ADGRL2: variants seen among roughly 807,000 people sequenced by gnomAD.
The protein encoded by ADGRL2 is calcium-independent alpha-latrotoxin receptor 2.
Under a neutral mutation model 157.4 loss-of-function variants are expected in ADGRL2, and 44 were observed. The observed-to-expected ratio is 0.28, with a 90% CI of 0.22 to 0.36. The LOEUF (loss-of-function observed/expected upper bound fraction) is 0.36. Ranked by LOEUF, ADGRL2 falls within the 10% of genes least tolerant of loss-of-function variation. The probability of loss-of-function intolerance (pLI) is 1.00; values close to 1 mark genes in which losing one functional copy is unlikely to be tolerated. For synonymous variants in ADGRL2, 585 were observed against 624.7 expected (o/e 0.94, Z 0.95); for missense variants, 1,510 against 1,768.9 (o/e 0.85, Z 2.63).
intron 1 of ADGRL2, among the ~76,000 whole-genome samples, chr1:81,731,327 T>G (rs1366695201): frequency 2.0e-5 from 3 of 152,186 alleles, no homozygotes; most frequent in Non-Finnish European, 4.4e-5. Context: ...TTAGGCTTTT[T>G]AAATTCCTAC....
At chr1:81,381,914 A>G (rs1237902605) in intron 1 of ADGRL2, among the ~76,000 whole-genome samples, 5 of 152,218 alleles carry the variant, frequency 3.3e-5, no homozygotes, top group African/African-American at 1.2e-4. Context: ...CTATATAAAA[A>G]CAATTAAGCT....
rs990821142 is a variant in ADGRL2, at chr1:81,736,571, G to A, written c.-142-25240G>A. 3.9e-4 allele frequency among the ~76,000 whole-genome samples: 59 copies of A among 152,150 alleles called. 1 individual carries two copies. The highest frequency in any genetic ancestry group is 2.1e-4 in the South Asian group (1 of 4,836). On this transcript the variant is annotated intron_variant, in intron 1 of 20. Transcript: ENST00000359929. ...GTTGGACAGGAGTGTACTCTTCCTT[G>A]ACATGGACATAAGAGGCCAATTTCA...
intron 2 of ADGRL2, among the ~76,000 whole-genome samples, chr1:81,572,055 T>G (rs2080705894): frequency 6.6e-6 from 1 of 152,070 alleles, no homozygotes; most frequent in Non-Finnish European, 1.5e-5. Context: ...AAAAACAAAT[T>G]GAAAAATTAT....
At chr1:81,818,370 C>A (rs985153499) in intron 1 of ADGRL2, among the ~76,000 whole-genome samples, 3 of 152,068 alleles carry the variant, frequency 2.0e-5, no homozygotes, top group Non-Finnish European at 4.4e-5. Context: ...ATTTTACATT[C>A]AAGATGTAAT....
intron 1 of ADGRL2, among the ~76,000 whole-genome samples, chr1:81,323,394 T>A (rs1199856074): frequency 6.7e-6 from 1 of 148,998 alleles, no homozygotes; most frequent in Non-Finnish European, 1.5e-5. Context: ...TACGAGCCAT[T>A]GTACTAGACT....
chr1:81,712,232 G>C (rs2083955190), intron 1 of ADGRL2, among the ~76,000 whole-genome samples: 1 of 152,186 alleles, frequency 6.6e-6, no homozygotes, highest in African/African-American at 2.4e-5. Context: ...TTGGAAGGAA[G>C]GACCTGGATG....
intron 2 of ADGRL2, among the ~76,000 whole-genome samples, chr1:81,533,595 A>G (rs899793759): frequency 1.3e-5 from 2 of 152,074 alleles, no homozygotes; most frequent in African/African-American, 4.8e-5. Flanking sequence ...AGGGTCCTTT[A>G]ATTTTAAAGA....
rs144575164 is a variant in ADGRL2 at position 81,893,977 on chromosome 1, G to T, written c.74-13040G>T. 1.5e-4 allele frequency among the ~76,000 whole-genome samples: 23 copies of T among 152,224 alleles called. No homozygotes were observed. The East Asian group carries it at 4.4e-3, about 29-fold the overall frequency. On this transcript the variant is annotated intron_variant, in intron 2 of 23. Coordinates refer to ENST00000686636, the MANE Select transcript of ADGRL2 (RefSeq NM_001366006.2). ...CAAAGTCATTACATTGTCATTTAAG[G>T]AATGACTTTATAACCTTCATACGAA...
intron 3 of ADGRL2, among the ~76,000 whole-genome samples, chr1:81,587,511 T>C (rs1457428731): frequency 6.6e-6 from 1 of 152,064 alleles, no homozygotes; most frequent in Non-Finnish European, 1.5e-5. Flanking sequence ...AAGAAGAAGT[T>C]GTTGACTATG....
chr1:81,531,375 A>G (rs2079595135), intron 2 of ADGRL2, among the ~76,000 whole-genome samples: 1 of 152,198 alleles, frequency 6.6e-6, no homozygotes, highest in South Asian at 2.1e-4. Flanking sequence ...AAATTATATA[A>G]CTGATAGAGA....
intron 1 of ADGRL2, among the ~76,000 whole-genome samples, chr1:81,826,006 T>C (rs1004128017): frequency 1.3e-5 from 2 of 152,118 alleles, no homozygotes; most frequent in African/African-American, 4.8e-5. Context: ...TAAGAATCAA[T>C]AGAACAGTGA....
Position 81,993,073 on chromosome 1 carries a change from ATATATATATATATATTTTTTTTTTTTTT to A in ADGRL2, c.*1930_*1957del, listed in dbSNP as rs1161262699. 1.6e-4 allele frequency among the ~76,000 whole-genome samples: 5 copies of A among 31,050 alleles called. No homozygotes were observed. The highest frequency in any genetic ancestry group is 1.0e-3 in the African/African-American group (5 of 4,926). 20.4% of individuals were successfully genotyped at this position (31,050 alleles called of 152,430 possible). A position where few individuals can be genotyped will look rare whatever the true frequency, so the allele number is the denominator to read the frequency against. ...ATATAATATACATATATATATATATATATATATATATATATTTTTTTTTTTTTTTTTTTTTTTTTTTTTTTTGGGACAG... is the reference window on the plus strand; with the variant it reads ...ATATAATATACATATATATATATATATTTTTTTTTTTTTTTTTTGGGACAG... On this transcript the variant is annotated 3_prime_UTR_variant, in exon 24 of 24. Transcript: ENST00000686636.
chr1:81,386,937 A>G (rs1022726565), intron 1 of ADGRL2, among the ~76,000 whole-genome samples: 11 of 152,082 alleles, frequency 7.2e-5, no homozygotes, highest in African/African-American at 1.4e-4. Context: ...TTTGTCTATC[A>G]GTATCCACTT....
intron 2 of ADGRL2, among the ~76,000 whole-genome samples, chr1:81,480,879 GT>G (rs1250755848): frequency 6.6e-6 from 1 of 152,130 alleles, no homozygotes; most frequent in Non-Finnish European, 1.5e-5. Context: ...AATATTACTT[GT>G]TGTGACAATT....
chr1:81,843,536 C>G (rs925844967), intron 2 of ADGRL2, among the ~76,000 whole-genome samples: 2 of 152,242 alleles, frequency 1.3e-5, no homozygotes, highest in Non-Finnish European at 2.9e-5. Flanking sequence ...ATTGCAGCAG[C>G]TTTCTTCTCC....
upstream of ADGRL2, among the ~76,000 whole-genome samples, chr1:81,696,775 C>CA (rs968500998): frequency 2.6e-5 from 4 of 151,726 alleles, no homozygotes; most frequent in Non-Finnish European, 5.9e-5. Context: ...AAAAACAAAA[C>CA]AAAAAATAGA....
intron 3 of ADGRL2, among the ~76,000 whole-genome samples, chr1:81,681,267 T>G (rs1275768711): frequency 6.6e-6 from 1 of 152,210 alleles, no homozygotes; most frequent in African/African-American, 2.4e-5. Flanking sequence ...AAAGGAAGCA[T>G]GTGCTTCTCA....
At chr1:81,879,370 C>G (rs2093925618) in intron 2 of ADGRL2, among the ~76,000 whole-genome samples, 1 of 152,122 alleles carries the variant, frequency 6.6e-6, no homozygotes, top group East Asian at 1.9e-4. Context: ...CCTTTCTCTG[C>G]CACTGAATTG....
chr1:81,866,229 A>G (rs185587412), intron 2 of ADGRL2, among the ~76,000 whole-genome samples: 70 of 152,130 alleles, frequency 4.6e-4, no homozygotes, highest in African/African-American at 1.7e-3. Context: ...CGCATCCTTT[A>G]GGCCTTGGTT....
Sources: allele counts gnomAD v4.1 joint callset (sites outside exome capture counted in the v4.1 genomes callset), GRCh38; gene constraint gnomAD v4.1.1; transcripts MANE v1.5; gene names NCBI Gene and HGNC (gene_info 2026-07-23, HGNC 2026-07-21).